The following BCKDHB variants were observed in gnomAD, a reference collection of about 807,000 sequenced individuals.
BCKDHB encodes branched chain keto acid dehydrogenase E1 subunit beta.
In BCKDHB, 41 loss-of-function variants were observed where a neutral mutation model predicts 48.5. That is an observed-to-expected ratio of 0.85 (90% CI 0.66 to 1.10). The LOEUF is 1.10. Ranked by LOEUF, BCKDHB falls within the 50% of genes least tolerant of loss-of-function variation. The pLI is 0.00. For missense variants in BCKDHB, 496 were observed against 494.2 expected, an observed-to-expected ratio of 1.00 and a Z score of -0.03; for synonymous variants, 201 against 174.8, an observed-to-expected ratio of 1.15 and a Z score of -1.18.
At chr6:80,293,053 A>AGT (rs1478534396) in intron 9 of BCKDHB, among the ~76,000 whole-genome samples, 3 of 152,092 alleles carry the variant, frequency 2.0e-5, no homozygotes, top group African/African-American at 7.2e-5. Flanking sequence ...GCTGGCATTG[A>AGT]GTGTCTGTGG....
At chr6:80,358,306 T>C in the BCKDHB span, among the ~76,000 whole-genome samples, 1 of 152,194 alleles carries the variant, frequency 6.6e-6, no homozygotes, top group East Asian at 1.9e-4. Context: ...TATACACAAA[T>C]AGATACACAT....
At chr6:80,131,630 C>G (rs1770634220) in intron 3 of BCKDHB, among the ~76,000 whole-genome samples, 1 of 151,908 alleles carries the variant, frequency 6.6e-6, no homozygotes, top group Non-Finnish European at 1.5e-5. Context: ...TATTTCTTAG[C>G]AGGACATACA....
chr6:80,123,239 T>G (rs1276558559), intron 1 of BCKDHB, among the ~76,000 whole-genome samples: 1 of 152,148 alleles, frequency 6.6e-6, no homozygotes, highest in East Asian at 1.9e-4. Context: ...TTACAATCAA[T>G]TTGTACAGTT....
chr6:80,430,769 A>G, the BCKDHB span, among the ~76,000 whole-genome samples: 34 of 152,142 alleles, frequency 2.2e-4, no homozygotes, highest in Non-Finnish European at 4.9e-4. Context: ...TCCAAAAACC[A>G]TCTCCTAGAT....
At chr6:80,389,971 T>C in the BCKDHB span, among the ~76,000 whole-genome samples, 2 of 152,180 alleles carry the variant, frequency 1.3e-5, no homozygotes, top group African/African-American at 4.8e-5. Context: ...CCTAGAGGTC[T>C]TAGTTCCAGA....
the BCKDHB span, among the ~76,000 whole-genome samples, chr6:80,397,238 T>C: frequency 1.3e-5 from 2 of 152,192 alleles, no homozygotes; most frequent in African/African-American, 4.8e-5. Flanking sequence ...CATTTTAACT[T>C]TTTAAGGGTA....
At chr6:80,109,120 G>A (rs558681418) in intron 1 of BCKDHB, among the ~76,000 whole-genome samples, 21 of 152,196 alleles carry the variant, frequency 1.4e-4, no homozygotes, top group Admixed American at 1.2e-3. Context: ...TCTTGACCCC[G>A]GAATCAGATT....
chr6:80,247,734 C>G (rs1394712028), intron 8 of BCKDHB, among the ~76,000 whole-genome samples: 1 of 152,196 alleles, frequency 6.6e-6, no homozygotes, highest in African/African-American at 2.4e-5. Flanking sequence ...GGAAATGGTT[C>G]TTGAGGTGAC....
At position 80,203,221 on chromosome 6, in the gene BCKDHB, A is replaced by G. The variant is rs374054207; in HGVS notation, c.951+9A>G. 2.0e-6 allele frequency: 3 copies of G among 1,531,254 alleles called. No homozygotes were observed. The highest frequency in any genetic ancestry group is 2.7e-6 in the Non-Finnish European group (3 of 1,104,894). 94.9% of individuals were successfully genotyped at this position (1,531,254 alleles called of 1,614,324 possible). A position where few individuals can be genotyped will look rare whatever the true frequency, so the allele number is the denominator to read the frequency against. ...TGGACACAATTTGTAAGGTATGAAT[A>G]TAATGGTGATAGAATGTCATTTCCC... On this transcript the variant is annotated intron_variant, in intron 8 of 9. Coordinates refer to ENST00000320393, the MANE Select transcript of BCKDHB (RefSeq NM_183050.4).
chr6:80,388,709 C>A, the BCKDHB span, among the ~76,000 whole-genome samples: 1 of 152,162 alleles, frequency 6.6e-6, no homozygotes, highest in East Asian at 1.9e-4. Context: ...CACCAGTGAC[C>A]TCATGGGGAG....
the BCKDHB span, among the ~76,000 whole-genome samples, chr6:80,413,903 T>A: frequency 9.9e-5 from 15 of 152,212 alleles, no homozygotes; most frequent in African/African-American, 3.4e-4. Context: ...TTGAACTAAT[T>A]TACACTCCTA....
At chr6:80,289,643 A>T (rs1766808654) in intron 9 of BCKDHB, among the ~76,000 whole-genome samples, 1 of 152,076 alleles carries the variant, frequency 6.6e-6, no homozygotes, top group African/African-American at 2.4e-5. Context: ...GAAAGGGGTG[A>T]ATGAGGAACT....
chr6:80,451,840 T>G, the BCKDHB span, among the ~76,000 whole-genome samples: 3 of 152,182 alleles, frequency 2.0e-5, no homozygotes, highest in East Asian at 3.9e-4. Flanking sequence ...TCAAGGGGCT[T>G]TTTTATTGGC....
intron 1 of BCKDHB, among the ~76,000 whole-genome samples, chr6:80,121,755 C>T (rs1414586095): frequency 1.3e-5 from 2 of 152,170 alleles, no homozygotes; most frequent in Non-Finnish European, 1.5e-5. Context: ...AGATTTTGGG[C>T]TGAGACGATG....
Position 80,127,525 on chromosome 6 carries a change from ATT to A in BCKDHB, c.197-13_197-12del. ...TATGTATTTTACAACACACGAAATG[ATT>A]TTTTTTTTGATTTTCACAGGGCAAA... is the stretch of plus-strand genomic sequence containing the variant. On this transcript the variant is annotated intron_variant, in intron 1 of 9. Transcript: ENST00000320393. 2 of 1,474,544 alleles carry A rather than the reference ATT, an allele frequency of 1.4e-6. No individual in the cohort carries two copies. The highest frequency in any genetic ancestry group is 1.4e-5 in the African/African-American group (1 of 71,306). 91.3% of individuals were successfully genotyped at this position (1,474,544 alleles called of 1,614,324 possible).
chr6:80,370,606 A>G, the BCKDHB span, among the ~76,000 whole-genome samples: 5 of 151,856 alleles, frequency 3.3e-5, no homozygotes, highest in African/African-American at 9.7e-5. Flanking sequence ...TTCCTTTGCA[A>G]CCTCATAGCT....
At chr6:80,170,955 A>T (rs1772884129) in intron 5 of BCKDHB, among the ~76,000 whole-genome samples, 1 of 152,146 alleles carries the variant, frequency 6.6e-6, no homozygotes, top group Non-Finnish European at 1.5e-5. Context: ...ACACAGGTAG[A>T]TATTAACAAT....
chr6:80,217,776 A>G (rs1248061532), intron 8 of BCKDHB, among the ~76,000 whole-genome samples: 1 of 152,222 alleles, frequency 6.6e-6, no homozygotes, highest in African/African-American at 2.4e-5. Flanking sequence ...TTCTCCATGC[A>G]TGCTCACTAA....
At chr6:80,404,676 T>C in the BCKDHB span, among the ~76,000 whole-genome samples, 1 of 152,062 alleles carries the variant, frequency 6.6e-6, no homozygotes, top group Non-Finnish European at 1.5e-5. Context: ...TGATCATTCT[T>C]TTTTCTTAAT....
Sources: allele counts gnomAD v4.1 joint callset (sites outside exome capture counted in the v4.1 genomes callset), GRCh38; gene constraint gnomAD v4.1.1; transcripts MANE v1.5; gene names NCBI Gene and HGNC (gene_info 2026-07-23, HGNC 2026-07-21).